The following CACNA2D3 variants were observed in gnomAD, a reference collection of about 807,000 sequenced individuals.
The protein encoded by CACNA2D3 is calcium voltage-gated channel auxiliary subunit alpha2delta 3, also known as voltage-dependent calcium channel subunit alpha-2/delta-3.
A neutral mutation model predicts 160.6 loss-of-function variants in CACNA2D3; 60 were observed. The observed-to-expected ratio is 0.37, with a 90% CI of 0.30 to 0.46. The LOEUF (loss-of-function observed/expected upper bound fraction) is 0.46. CACNA2D3 is among the 20% of genes least tolerant of loss of function. The pLI, the probability that CACNA2D3 is intolerant of heterozygous loss-of-function variation, is 1.00. For missense variants in CACNA2D3, 1,205 were observed against 1,365.0 expected (o/e 0.88, Z 1.85); for synonymous variants, 558 against 492.9 (o/e 1.13, Z -1.75).
chr3:54,237,626 A>G (rs1002576085), intron 2 of CACNA2D3, among the ~76,000 whole-genome samples: 1 of 152,128 alleles, frequency 6.6e-6, no homozygotes, highest in African/African-American at 2.4e-5. Context: ...ACTTCATTTA[A>G]TGTGCTCAAG....
chr3:54,240,113 C>T (rs916101932), intron 2 of CACNA2D3, among the ~76,000 whole-genome samples: 2 of 151,976 alleles, frequency 1.3e-5, no homozygotes, highest in African/African-American at 2.4e-5. Context: ...CTGGGGTGGT[C>T]CAAAGTATTA....
chr3:54,319,685 G>A (rs1202905368), intron 2 of CACNA2D3, among the ~76,000 whole-genome samples: 2 of 152,028 alleles, frequency 1.3e-5, no homozygotes, highest in South Asian at 2.1e-4. Flanking sequence ...CCCTGAGAGC[G>A]TCTCTTTATG....
chr3:54,277,872 T>TG (rs1177859524), intron 2 of CACNA2D3, among the ~76,000 whole-genome samples: 5 of 152,208 alleles, frequency 3.3e-5, no homozygotes, highest in African/African-American at 1.2e-4. Context: ...TCCTAGGTGT[T>TG]TTATTCTCTT....
intron 8 of CACNA2D3, among the ~76,000 whole-genome samples, 198 bp from the exon 9 acceptor site, chr3:54,581,605 A>G (rs1439667777): frequency 6.6e-6 from 1 of 152,228 alleles, no homozygotes; most frequent in African/African-American, 2.4e-5. Context: ...TCCTTCAAAC[A>G]AGAAAAGAAT....
chr3:54,781,564 C>G (rs1410598691), intron 13 of CACNA2D3, among the ~76,000 whole-genome samples: 3 of 152,198 alleles, frequency 2.0e-5, no homozygotes, highest in Admixed American at 2.0e-4. Context: ...AGTCCCTATG[C>G]TGGCCAATGG....
intron 2 of CACNA2D3, among the ~76,000 whole-genome samples, chr3:54,143,924 G>C (rs7633430): frequency 0.68 from 103,767 of 152,112 alleles, 35,918 homozygotes; most frequent in African/African-American, 0.79. Context: ...GTTATAATGG[G>C]AAGATATTTT....
chr3:54,297,712 CAA>C (rs5849037), intron 2 of CACNA2D3, among the ~76,000 whole-genome samples: 78 of 116,166 alleles, frequency 6.7e-4, no homozygotes, highest in Admixed American at 6.9e-4. Flanking sequence ...TCCCCGCCAC[CAA>C]AAAAAAAAAA....
intron 35 of CACNA2D3, among the ~76,000 whole-genome samples, chr3:55,059,850 G>A (rs950395508): frequency 3.9e-5 from 6 of 152,090 alleles, no homozygotes; most frequent in South Asian, 4.2e-4. Flanking sequence ...TCCCACACCC[G>A]TTCTCCTCTC....
At chr3:54,966,744 G>A (rs530676764) in intron 27 of CACNA2D3, among the ~76,000 whole-genome samples, 23 of 152,206 alleles carry the variant, frequency 1.5e-4, no homozygotes, top group East Asian at 3.9e-4. Context: ...ACTTGAACCC[G>A]GGAAGCAGAG....
In CACNA2D3 at chr3:55,074,305, G is replaced by A; in HGVS notation, c.*99G>A. On this transcript the variant is annotated 3_prime_UTR_variant, in exon 38 of 38. Coordinates refer to ENST00000474759, the MANE Select transcript of CACNA2D3 (RefSeq NM_018398.3). The stretch of plus-strand genomic sequence containing the variant: ...AAATATGGTGCAACATACGAGACAT[G>A]AATATAGTCCAACCATCAGCATCTC... 1 of 909,460 alleles carries A rather than the reference G, an allele frequency of 1.1e-6. No individual in the cohort carries two copies. The allele number at this position is 909,460 out of a possible 1,614,324, so 56.3% of individuals were successfully genotyped here. A position where few individuals can be genotyped will look rare whatever the true frequency, so the allele number is the denominator to read the frequency against.
At chr3:54,124,523 A>T (rs1299640863) in intron 2 of CACNA2D3, among the ~76,000 whole-genome samples, 1 of 152,192 alleles carries the variant, frequency 6.6e-6, no homozygotes, top group Non-Finnish European at 1.5e-5. Context: ...TTAAATTGTT[A>T]AGTTAACTTT....
At chr3:54,365,292 A>G (rs188233210) in intron 3 of CACNA2D3, among the ~76,000 whole-genome samples, 35 of 152,286 alleles carry the variant, frequency 2.3e-4, no homozygotes, top group African/African-American at 7.0e-4. Context: ...CAAGTTCTGG[A>G]CTTCAGAGGG....
chr3:54,953,423 T>C (rs1409924475), intron 27 of CACNA2D3, among the ~76,000 whole-genome samples: 1 of 152,098 alleles, frequency 6.6e-6, no homozygotes, highest in Non-Finnish European at 1.5e-5. Flanking sequence ...GTGAGACTCA[T>C]GAAATTCCCC....
intron 27 of CACNA2D3, among the ~76,000 whole-genome samples, chr3:54,914,265 C>T (rs1277621346): frequency 6.6e-6 from 1 of 151,932 alleles, no homozygotes; most frequent in Non-Finnish European, 1.5e-5. Flanking sequence ...GTAATGGATA[C>T]CTGGAAAACA....
intron 11 of CACNA2D3, among the ~76,000 whole-genome samples, chr3:54,719,231 T>C (rs1462426752): frequency 2.0e-5 from 3 of 151,176 alleles, no homozygotes; most frequent in East Asian, 3.9e-4. Context: ...TTAGCACATA[T>C]TCTTACCTCT....
chr3:54,131,316 C>T (rs1479386974), intron 2 of CACNA2D3, among the ~76,000 whole-genome samples: 1 of 152,190 alleles, frequency 6.6e-6, no homozygotes, highest in Non-Finnish European at 1.5e-5. Flanking sequence ...GCACCCTTCC[C>T]CTAGAGATCA....
intron 11 of CACNA2D3, among the ~76,000 whole-genome samples, chr3:54,655,265 G>A (rs1037826923): frequency 1.3e-5 from 2 of 152,180 alleles, no homozygotes; most frequent in Non-Finnish European, 2.9e-5. Flanking sequence ...GTGTCTGGAT[G>A]CTGACAACTC....
intron 11 of CACNA2D3, among the ~76,000 whole-genome samples, chr3:54,743,121 A>G: frequency 6.6e-6 from 1 of 152,254 alleles, no homozygotes; most frequent in Non-Finnish European, 1.5e-5. Context: ...AATTTGTGAA[A>G]AGGATAGAAA....
At chr3:54,126,249 T>A (rs1485242231) in intron 2 of CACNA2D3, among the ~76,000 whole-genome samples, 1 of 152,260 alleles carries the variant, frequency 6.6e-6, no homozygotes, top group Non-Finnish European at 1.5e-5. Flanking sequence ...GTAGTTATTA[T>A]GAATATAAGT....
Sources: allele counts gnomAD v4.1 joint callset (sites outside exome capture counted in the v4.1 genomes callset), GRCh38; gene constraint gnomAD v4.1.1; transcripts MANE v1.5; gene names NCBI Gene and HGNC (gene_info 2026-07-23, HGNC 2026-07-21).